The following GFM2 variants were observed in gnomAD, a reference collection of about 807,000 sequenced individuals.
GFM2 encodes ribosome-releasing factor 2, mitochondrial.
GFM2 carries 72 observed loss-of-function variants against 95.4 expected under a neutral mutation model. The observed-to-expected ratio is 0.76, with a 90% CI of 0.62 to 0.92. The LOEUF (loss-of-function observed/expected upper bound fraction) is 0.92. Ranked by LOEUF, GFM2 falls within the 40% of genes least tolerant of loss-of-function variation. The pLI is 0.00. For synonymous variants in GFM2, 276 were observed against 317.5 expected (o/e 0.87, Z 1.39); for missense variants, 825 against 924.1 (o/e 0.89, Z 1.39).
At chr5:74,749,918 A>G (rs539870961) in intron 7 of GFM2, among the ~76,000 whole-genome samples, 84 of 152,336 alleles carry the variant, frequency 5.5e-4, no homozygotes, top group Non-Finnish European at 9.6e-4. Context: ...ATGTATACAT[A>G]ACTTAACACT....
intron 10 of GFM2, 76 bp from the exon 11 acceptor site, chr5:74,741,685 C>G (rs1278448669): frequency 1.4e-6 from 1 of 712,006 alleles, no homozygotes; most frequent in Non-Finnish European, 2.4e-6. Flanking sequence ...ACACCATAAA[C>G]AGACAATATT....
chr5:74,765,208 T>C (rs530559135), intron 1 of GFM2: 201 of 872,220 alleles, frequency 2.3e-4, no homozygotes, highest in Non-Finnish European at 2.7e-4. Context: ...AAAAGATAAT[T>C]TGCACAACCC....
At chr5:74,724,591 T>A (rs1579965606) in intron 19 of GFM2, among the ~76,000 whole-genome samples, 1 of 152,174 alleles carries the variant, frequency 6.6e-6, no homozygotes, top group Admixed American at 6.5e-5. Context: ...ATATTTAAAC[T>A]TTTTTCAAAG....
intron 12 of GFM2, among the ~76,000 whole-genome samples, chr5:74,739,516 T>C (rs1743007135): frequency 6.6e-6 from 1 of 152,170 alleles, no homozygotes; most frequent in Admixed American, 6.6e-5. Context: ...ATTAAGATAA[T>C]TAAAGTCCAT....
In GFM2 at chr5:74,758,875, T is replaced by G; in HGVS notation, c.278A>C (p.Tyr93Ser). ...TCCCAGTGATCTTGTATATCCGGAATAGTACAATATTCTTTCTGTGGTGGT... is the reference window on the plus strand; with the variant it reads ...TCCCAGTGATCTTGTATATCCGGAAGAGTACAATATTCTTTCTGTGGTGGT... ...KTTTTERILY[Y>S]SGYTRSLGDV... Residue 93 changes from tyrosine (Y) to serine (S), a missense_variant, in exon 5 of 21, where the codon TAT becomes TCT. Coordinates refer to ENST00000296805, the MANE Select transcript of GFM2 (RefSeq NM_032380.5). The G allele has an allele frequency of 2.5e-6, 4 of 1,604,384 alleles. No individual in the cohort carries two copies. Among genetic ancestry groups the G allele is most frequent in the South Asian group, 1.1e-5 (1 of 90,858 alleles).
At chr5:74,751,525 T>G in intron 5 of GFM2, 32 bp from the exon 6 acceptor site, 1 of 1,561,332 alleles carries the variant, frequency 6.4e-7, no homozygotes, top group Non-Finnish European at 8.8e-7. Flanking sequence ...CAGTTTAGTC[T>G]TAATAGCAAG....
chr5:74,730,046 T>A (rs917038148), intron 17 of GFM2, among the ~76,000 whole-genome samples: 1 of 152,082 alleles, frequency 6.6e-6, no homozygotes, highest in African/African-American at 2.4e-5. Context: ...ACTTGGTTGA[T>A]GAGTGGTCAT....
intron 19 of GFM2, among the ~76,000 whole-genome samples, chr5:74,723,109 A>G (rs776241292): frequency 3.9e-5 from 6 of 152,198 alleles, no homozygotes; most frequent in South Asian, 2.1e-4. Flanking sequence ...ATTAAGAGAA[A>G]AAAATCCTAA....
intron 15 of GFM2, among the ~76,000 whole-genome samples, chr5:74,734,814 G>A (rs967012528): frequency 2.0e-5 from 3 of 151,132 alleles, no homozygotes; most frequent in Admixed American, 2.0e-4. Flanking sequence ...GTCTAAGTAA[G>A]GGAGCTTTGG....
chr5:74,759,859 T>C (rs1002262661), intron 3 of GFM2, among the ~76,000 whole-genome samples: 1 of 152,162 alleles, frequency 6.6e-6, no homozygotes, highest in Non-Finnish European at 1.5e-5. Flanking sequence ...TGTCAGCTGA[T>C]AATGAATTAT....
intron 1 of GFM2, among the ~76,000 whole-genome samples, chr5:74,766,586 A>G (rs954296851): frequency 2.0e-5 from 3 of 152,174 alleles, no homozygotes; most frequent in Non-Finnish European, 4.4e-5. Context: ...AAAATGCCTC[A>G]GAAATTTCTG....
rs1454110117 is a variant in GFM2, at chr5:74,728,734, A to ATGTGTGGG, written c.1726+1518_1726+1525dup. 9.1e-4 allele frequency among the ~76,000 whole-genome samples: 73 copies of ATGTGTGGG among 80,294 alleles called. 1 individual carries two copies. Among genetic ancestry groups the ATGTGTGGG allele is most frequent in the Admixed American group, 8.5e-3 (71 of 8,344 alleles). The allele number at this position is 80,294 out of a possible 152,430, so 52.7% of individuals were successfully genotyped here. On this transcript the variant is annotated intron_variant, in intron 17 of 20. Coordinates refer to ENST00000296805, the MANE Select transcript of GFM2 (RefSeq NM_032380.5). Reference sequence around the variant, plus strand: ...TTTTATTATGAGTTAATATTCTTTTATGTGTGGGGGTTTCTTTTTTTTTTT... The same window carrying ATGTGTGGG: ...TTTTATTATGAGTTAATATTCTTTTATGTGTGGGTGTGTGGGGGTTTCTTTTTTTTTTT...
At chr5:74,753,238 G>A (rs1416901131) in intron 5 of GFM2, among the ~76,000 whole-genome samples, 1 of 152,116 alleles carries the variant, frequency 6.6e-6, no homozygotes, top group Admixed American at 6.6e-5. Flanking sequence ...TGGAAATGAA[G>A]GACACACTTA....
chr5:74,737,278 A>G (rs982484609), intron 14 of GFM2, among the ~76,000 whole-genome samples: 12 of 152,172 alleles, frequency 7.9e-5, no homozygotes, highest in African/African-American at 2.7e-4. Flanking sequence ...TAAATTTTCA[A>G]TCATGACAAG....
At chr5:74,745,196 T>G (rs1404532082) in intron 10 of GFM2, among the ~76,000 whole-genome samples, 1 of 151,838 alleles carries the variant, frequency 6.6e-6, no homozygotes, top group Non-Finnish European at 1.5e-5. Context: ...AATAAAAAAA[T>G]TAGCTTGGAG....
chr5:74,738,587 G>A lies in GFM2; in HGVS notation c.1135C>T (p.Gln379Ter), dbSNP rs778863487. Residue 379 changes from glutamine (Q) to a stop codon, truncating the protein, a stop_gained, in exon 13 of 21, where the codon CAG (glutamine) becomes TAG (stop). Coordinates refer to ENST00000296805, the MANE Select transcript of GFM2 (RefSeq NM_032380.5). LOFTEE classifies it high-confidence loss of function. The part of the protein sequence containing the change: ...ALAFKVLHDK[Q>*]RGPLVFMRIY... Reference sequence around the variant, plus strand: ...CGCATAAAAACCAGTGGTCCTCGCTGCTTGTCATGGAGAACTTTAAATGCC... The same window carrying A: ...CGCATAAAAACCAGTGGTCCTCGCTACTTGTCATGGAGAACTTTAAATGCC... The A allele has an allele frequency of 1.8e-5, 29 of 1,613,608 alleles. No homozygotes were observed. The highest frequency in any genetic ancestry group is 2.3e-5 in the Non-Finnish European group (27 of 1,179,700).
At chr5:74,756,662 T>C (rs1054140985) in intron 5 of GFM2, among the ~76,000 whole-genome samples, 1 of 130,676 alleles carries the variant, frequency 7.7e-6, no homozygotes, top group African/African-American at 3.6e-5. Flanking sequence ...GTAAAGTGTG[T>C]GTGTATATAT....
At chr5:74,735,376 G>A (rs560535382) in intron 15 of GFM2, among the ~76,000 whole-genome samples, 2 of 152,234 alleles carry the variant, frequency 1.3e-5, no homozygotes, top group South Asian at 4.1e-4. Flanking sequence ...ACCTCTACTG[G>A]GCTAGGGATC....
At chr5:74,753,580 G>C (rs1050753970) in intron 5 of GFM2, among the ~76,000 whole-genome samples, 2 of 152,102 alleles carry the variant, frequency 1.3e-5, no homozygotes, top group African/African-American at 4.8e-5. Flanking sequence ...CTGGGTGACA[G>C]AGCAAGACTC....
Sources: gnomAD v4.1 joint callset for allele counts (sites outside exome capture counted in the v4.1 genomes callset) on GRCh38, gnomAD v4.1.1 for gene constraint, MANE v1.5 for transcripts, NCBI Gene and HGNC (gene_info 2026-07-23, HGNC 2026-07-21) for gene names.